Variants in HS6ST3 observed in about 807,000 individuals in gnomAD.
HS6ST3 encodes the protein heparan-sulfate 6-O-sulfotransferase 3.
Under a neutral mutation model 36.7 loss-of-function variants are expected in HS6ST3, and 12 were observed. The ratio of observed to expected loss-of-function variants is 0.33; its 90% CI spans 0.21 to 0.53. HS6ST3 has a LOEUF of 0.53. HS6ST3 is among the 20% of genes least tolerant of loss of function. The pLI is 0.95. For synonymous variants in HS6ST3, 240 were observed against 257.5 expected, an observed-to-expected ratio of 0.93 and a Z score of 0.65; for missense variants, 584 against 640.9, an observed-to-expected ratio of 0.91 and a Z score of 0.96.
chr13:96,650,045 A>T (rs2139011960), intron 1 of HS6ST3, among the ~76,000 whole-genome samples: 1 of 151,914 alleles, frequency 6.6e-6, no homozygotes, highest in Non-Finnish European at 1.5e-5. Flanking sequence ...CACTTCTGTC[A>T]ACCCTCTGCT....
chr13:96,593,185 T>C (rs1244283373), intron 1 of HS6ST3, among the ~76,000 whole-genome samples: 1 of 99,760 alleles, frequency 1.0e-5, no homozygotes, highest in African/African-American at 3.8e-5. Context: ...TTTTTTTTTT[T>C]TTTTTTTTTT....
Position 96,727,576 on chromosome 13 carries a change from T to C in HS6ST3, c.708-104914T>C, listed in dbSNP as rs940149693. ...TCATATTGTTCTCAGCTTGTGCTCT[T>C]TTAACTGCCCGAATAAAAAATAAAA... On this transcript the variant is annotated intron_variant, in intron 1 of 1. Transcript: ENST00000376705. Among the ~76,000 whole-genome samples the C allele has an allele frequency of 5.6e-4, 86 of 152,272 alleles. 1 individual carries two copies. Among genetic ancestry groups the C allele is most frequent in the African/African-American group, 2.0e-3 (85 of 41,570 alleles).
At chr13:96,177,602 A>G (rs2054218511) in intron 1 of HS6ST3, among the ~76,000 whole-genome samples, 1 of 152,078 alleles carries the variant, frequency 6.6e-6, no homozygotes, top group South Asian at 2.1e-4. Context: ...ATATGAACCC[A>G]AAGAAGGAAA....
chr13:96,542,783 T>A (rs1314074152), intron 1 of HS6ST3, among the ~76,000 whole-genome samples: 1 of 152,142 alleles, frequency 6.6e-6, no homozygotes, highest in Non-Finnish European at 1.5e-5. Context: ...CTAGGAGATA[T>A]TTTCTCAGGG....
intron 1 of HS6ST3, among the ~76,000 whole-genome samples, chr13:96,786,107 CTCT>C (rs1320469955): frequency 6.6e-6 from 1 of 152,128 alleles, no homozygotes; most frequent in Non-Finnish European, 1.5e-5. Context: ...GCCACATTGC[CTCT>C]TCTTTTGTTC....
chr13:96,163,509 G>C (rs4773937), intron 1 of HS6ST3, among the ~76,000 whole-genome samples: 11 of 152,204 alleles, frequency 7.2e-5, no homozygotes, highest in Admixed American at 2.6e-4. Context: ...GATTACAGGC[G>C]TGAGCCACTG....
chr13:96,573,767 T>A (rs2056309776), intron 1 of HS6ST3: 1 of 352,642 alleles, frequency 2.8e-6, no homozygotes, highest in Non-Finnish European at 5.5e-6. Context: ...CAGGACCTCT[T>A]CAAAACTGCC....
intron 1 of HS6ST3, among the ~76,000 whole-genome samples, chr13:96,765,261 A>G (rs1877075960): frequency 1.3e-5 from 2 of 151,346 alleles, no homozygotes; most frequent in Non-Finnish European, 1.5e-5. Flanking sequence ...TTTAGTAGTG[A>G]CGGGGTTTCA....
At chr13:96,497,363 G>A (rs1472127168) in intron 1 of HS6ST3, among the ~76,000 whole-genome samples, 1 of 152,150 alleles carries the variant, frequency 6.6e-6, no homozygotes, top group Non-Finnish European at 1.5e-5. Context: ...TACAAATAGT[G>A]AGGTATTCCA....
At position 96,296,117 on chromosome 13, in the gene HS6ST3, C is replaced by T. The variant is rs184551280; in HGVS notation, c.707+204548C>T. ...TCGCACTAGCCACATTTCAAGTGCT[C>T]CACGTGTGTCTGGTGGCTCCTGCAT... On this transcript the variant is annotated intron_variant, in intron 1 of 1. Coordinates refer to ENST00000376705, the MANE Select transcript of HS6ST3 (RefSeq NM_153456.4). 3.2e-4 allele frequency among the ~76,000 whole-genome samples: 49 copies of T among 152,264 alleles called. 1 individual carries two copies. The East Asian group carries it at 8.9e-3, about 28-fold the overall frequency.
chr13:96,660,341 C>T (rs2056642149), intron 1 of HS6ST3, among the ~76,000 whole-genome samples: 1 of 152,008 alleles, frequency 6.6e-6, no homozygotes, highest in African/African-American at 2.4e-5. Flanking sequence ...AATTATTATA[C>T]AAAACATTTT....
intron 1 of HS6ST3, among the ~76,000 whole-genome samples, chr13:96,811,983 A>C (rs1229785612): frequency 6.6e-6 from 1 of 152,072 alleles, no homozygotes; most frequent in African/African-American, 2.4e-5. Flanking sequence ...AGCCTGAGGG[A>C]TGCCGGGGGG....
chr13:96,161,992 G>A (rs748053255), intron 1 of HS6ST3, among the ~76,000 whole-genome samples: 9 of 152,026 alleles, frequency 5.9e-5, no homozygotes, highest in South Asian at 2.1e-4. Flanking sequence ...AAAAACAAAC[G>A]TTTACAAAAT....
Position 96,280,425 on chromosome 13 carries a change from T to C in HS6ST3, c.707+188856T>C, listed in dbSNP as rs567605277. 2.6e-5 allele frequency among the ~76,000 whole-genome samples: 4 copies of C among 152,278 alleles called. No homozygotes were observed. The South Asian group carries it at 8.3e-4, about 32-fold the overall frequency. On this transcript the variant is annotated intron_variant, in intron 1 of 1. Coordinates refer to ENST00000376705, the MANE Select transcript of HS6ST3 (RefSeq NM_153456.4). ...TGTAACTGCAGCCTCTCAGGTATTA[T>C]ACTGTAAACCAATTGAGTGATTGCC...
At chr13:96,281,140 G>A (rs1326804874) in intron 1 of HS6ST3, among the ~76,000 whole-genome samples, 1 of 151,916 alleles carries the variant, frequency 6.6e-6, no homozygotes, top group East Asian at 1.9e-4. Flanking sequence ...TGAGTACCTG[G>A]GACTACAGGT....
intron 1 of HS6ST3, among the ~76,000 whole-genome samples, chr13:96,588,466 T>G (rs535378087): frequency 6.6e-6 from 1 of 152,188 alleles, no homozygotes; most frequent in Non-Finnish European, 1.5e-5. Context: ...GTCAAATGCT[T>G]TTTCTGCATC....
rs1416391373 is a variant in HS6ST3, at chr13:96,776,589, T to C, written c.708-55901T>C. Among the ~76,000 whole-genome samples the C allele has an allele frequency of 3.3e-5, 5 of 152,266 alleles. No individual in the cohort carries two copies. In the East Asian group the frequency reaches 9.7e-4, roughly 29 times the overall value. On this transcript the variant is annotated intron_variant, in intron 1 of 1. Transcript: ENST00000376705. ...CTCTACATAAATAAACTACAACATG[T>C]AGAAGAAATTGATGAATTCCTGGAC...
intron 1 of HS6ST3, among the ~76,000 whole-genome samples, chr13:96,269,306 G>A (rs1320762501): frequency 1.3e-5 from 2 of 152,008 alleles, no homozygotes; most frequent in Non-Finnish European, 2.9e-5. Context: ...AATTGTGCTA[G>A]ATTTATGAAG....
intron 1 of HS6ST3, among the ~76,000 whole-genome samples, chr13:96,565,371 C>A (rs1012178901): frequency 1.3e-5 from 2 of 152,052 alleles, no homozygotes; most frequent in African/African-American, 4.8e-5. Context: ...CATTTAGATC[C>A]TCAGATCCCA....
Sources: allele counts gnomAD v4.1 joint callset (sites outside exome capture counted in the v4.1 genomes callset), GRCh38; gene constraint gnomAD v4.1.1; transcripts MANE v1.5; gene names NCBI Gene and HGNC (gene_info 2026-07-23, HGNC 2026-07-21).